CSMD3: variants seen among roughly 807,000 people sequenced by gnomAD.
CSMD3 encodes the protein CUB and Sushi multiple domains 3.
CSMD3 carries 177 observed loss-of-function variants against 435.2 expected under a neutral mutation model. The observed-to-expected ratio is 0.41, with a 90% CI of 0.36 to 0.46. The LOEUF (loss-of-function observed/expected upper bound fraction) is 0.46, where lower values mean the gene tolerates loss of function less well. Ranked by LOEUF, CSMD3 falls within the 20% of genes least tolerant of loss-of-function variation. The pLI is 0.34. For synonymous variants in CSMD3, 1,656 were observed against 1,520.5 expected (o/e 1.09, Z -2.07); for missense variants, 4,265 against 4,504.6 (o/e 0.95, Z 1.52).
intron 33 of CSMD3, 22 bp downstream of exon 33, chr8:112,408,897 T>C (rs757602037): frequency 6.2e-7 from 1 of 1,613,304 alleles, no homozygotes; most frequent in Non-Finnish European, 8.5e-7. Context: ...AACTGATGCA[T>C]GGCAGTTCTA....
intron 18 of CSMD3, among the ~76,000 whole-genome samples, chr8:112,654,441 C>T (rs542483250): frequency 7.2e-5 from 11 of 152,268 alleles, no homozygotes; most frequent in African/African-American, 1.9e-4. Context: ...GTTATTTCAT[C>T]TTGTTAGATT....
chr8:112,509,132 G>A (rs1036273461), intron 28 of CSMD3, among the ~76,000 whole-genome samples: 28 of 150,244 alleles, frequency 1.9e-4, no homozygotes, highest in African/African-American at 6.6e-4. Flanking sequence ...TGTGGCCCAG[G>A]CTGCTGGAGT....
Position 112,754,604 on chromosome 8 carries a change from G to A in CSMD3, c.1972+45558C>T, listed in dbSNP as rs569726817. On this transcript the variant is annotated intron_variant, in intron 13 of 70. Transcript: ENST00000297405. ...TTAAAACCAGAAAAGAGCAGGAAAC[G>A]TGATGGTCAGGATGGGAAGTGACTT... Among the ~76,000 whole-genome samples, 192 of 152,276 alleles carry A rather than the reference G, an allele frequency of 1.3e-3. 6 individuals are homozygous for A. In the South Asian group the frequency reaches 0.035, roughly 27 times the overall value.
At chr8:113,020,811 G>C (rs987713597) in intron 5 of CSMD3, among the ~76,000 whole-genome samples, 1 of 152,076 alleles carries the variant, frequency 6.6e-6, no homozygotes, top group African/African-American at 2.4e-5. Context: ...TCATGCTAGG[G>C]GAACAGTAGA....
At chr8:112,325,288 T>A (rs78869215) in intron 45 of CSMD3, among the ~76,000 whole-genome samples, 135 of 152,248 alleles carry the variant, frequency 8.9e-4, no homozygotes, top group Non-Finnish European at 1.5e-3. Flanking sequence ...TAAAATTTTA[T>A]GTTCTGTATA....
At chr8:112,289,330 T>G (rs776008907) in intron 57 of CSMD3, 35 bp downstream of exon 57, 1 of 1,564,198 alleles carries the variant, frequency 6.4e-7, no homozygotes, top group Non-Finnish European at 8.8e-7. Flanking sequence ...ATAATGTAAT[T>G]TCCAACACAT....
In CSMD3 at chr8:112,517,171, T is replaced by C. The variant is rs529012507; in HGVS notation, c.4619A>G (p.Asn1540Ser). 11 of 1,613,812 alleles carry C rather than the reference T, an allele frequency of 6.8e-6. No individual in the cohort carries two copies. Among genetic ancestry groups the C allele is most frequent in the African/African-American group, 6.7e-5 (5 of 75,022 alleles). Residue 1540 changes from asparagine to serine, a missense_variant, in exon 28 of 71, where the codon AAT becomes AGT. Physicochemically the swap from Asn to Ser is conservative, Grantham distance 46. This residue lies in a region of CSMD3 where 3,255 missense variants were observed against 3,380.2 expected (regional missense o/e 0.96). Coordinates refer to ENST00000297405, the MANE Select transcript of CSMD3 (RefSeq NM_198123.2). ...DPGVPMNGTR[N>S]GDGREPGDTV... ...GTCCCCAGGTTCTCTTCCATCCCCATTTCGAGTCCCATTCATGGGGACCCC... is the reference window on the plus strand; with the variant it reads ...GTCCCCAGGTTCTCTTCCATCCCCACTTCGAGTCCCATTCATGGGGACCCC...
chr8:113,412,979 T>C (rs1394165662), intron 1 of CSMD3, among the ~76,000 whole-genome samples: 1 of 152,060 alleles, frequency 6.6e-6, no homozygotes, highest in Admixed American at 6.6e-5. Context: ...TCCTATTAGA[T>C]ATATATATAA....
chr8:113,139,928 C>T (rs1588141729), intron 4 of CSMD3, among the ~76,000 whole-genome samples: 1 of 150,908 alleles, frequency 6.6e-6, no homozygotes, highest in African/African-American at 2.4e-5. Flanking sequence ...AGATAAAATA[C>T]AGGTAGTCTC....
intron 4 of CSMD3, among the ~76,000 whole-genome samples, chr8:113,114,184 A>G (rs1485333772): frequency 6.6e-6 from 1 of 152,204 alleles, no homozygotes; most frequent in Non-Finnish European, 1.5e-5. Context: ...AACAATGTCA[A>G]ATGTCATGGA....
chr8:112,349,824 T>C (rs140106488), intron 40 of CSMD3, among the ~76,000 whole-genome samples: 68 of 152,322 alleles, frequency 4.5e-4, no homozygotes, highest in African/African-American at 1.4e-3. Context: ...TTTTCAGTAC[T>C]CTTCAAAAAG....
chr8:113,203,841 T>C (rs1378004510), intron 3 of CSMD3, among the ~76,000 whole-genome samples: 1 of 152,054 alleles, frequency 6.6e-6, no homozygotes, highest in Non-Finnish European at 1.5e-5. Flanking sequence ...TAGGTGAGAG[T>C]TTCACTCTTT....
At chr8:112,474,217 C>T (rs533600755) in intron 31 of CSMD3, among the ~76,000 whole-genome samples, 1 of 152,106 alleles carries the variant, frequency 6.6e-6, no homozygotes, top group Non-Finnish European at 1.5e-5. Flanking sequence ...GAAGAATATT[C>T]AACAAAGATA....
chr8:112,298,909 T>C (rs1395159355), intron 53 of CSMD3, among the ~76,000 whole-genome samples: 3 of 152,122 alleles, frequency 2.0e-5, no homozygotes, highest in Non-Finnish European at 2.9e-5. Context: ...AAAAGACTTT[T>C]ACATGAGCAT....
intron 35 of CSMD3, among the ~76,000 whole-genome samples, chr8:112,396,052 T>G (rs899899429): frequency 1.3e-5 from 2 of 152,160 alleles, no homozygotes; most frequent in African/African-American, 4.8e-5. Context: ...AACTCACATA[T>G]CATGTCTTAT....
chr8:112,321,045 C>T (rs543034894), intron 45 of CSMD3, among the ~76,000 whole-genome samples: 1 of 152,176 alleles, frequency 6.6e-6, no homozygotes, highest in African/African-American at 2.4e-5. Flanking sequence ...CTAAAATCTA[C>T]AACAAAATCA....
intron 1 of CSMD3, among the ~76,000 whole-genome samples, chr8:113,341,520 A>C (rs1182142694): frequency 6.6e-6 from 1 of 152,168 alleles, no homozygotes; most frequent in Non-Finnish European, 1.5e-5. Flanking sequence ...GTCTAACAGT[A>C]TTTCAATAGT....
rs1483294986 is a variant in CSMD3, at chr8:112,979,011, A to G, written c.1031-2863T>C. Among the ~76,000 whole-genome samples the G allele has an allele frequency of 3.3e-5, 5 of 151,990 alleles. No homozygotes were observed. In the East Asian group the frequency reaches 9.6e-4, roughly 29 times the overall value. ...TGCAAAAGTCGCATTTCAAACAGTG[A>G]CATGAATGAAGAGCAATTTCAAAGC... On this transcript the variant is annotated intron_variant, in intron 6 of 70. Coordinates refer to ENST00000297405, the MANE Select transcript of CSMD3 (RefSeq NM_198123.2).
chr8:112,969,288 C>A (rs2084549499), intron 7 of CSMD3, among the ~76,000 whole-genome samples: 1 of 151,954 alleles, frequency 6.6e-6, no homozygotes, highest in Admixed American at 6.6e-5. Flanking sequence ...AAAATTCCTG[C>A]TTCTTTGGAT....
Sources: allele counts gnomAD v4.1 joint callset (sites outside exome capture counted in the v4.1 genomes callset), GRCh38; gene constraint gnomAD v4.1.1; regional missense constraint gnomAD v4.1.1; transcripts MANE v1.5; gene names NCBI Gene and HGNC (gene_info 2026-07-23, HGNC 2026-07-21).